Variants in MAMLD1 observed in about 807,000 individuals in gnomAD.
MAMLD1 encodes the protein mastermind like domain containing 1, also known as mastermind-like domain-containing protein 1.
In MAMLD1, 14 loss-of-function variants were observed where a neutral mutation model predicts 45.0. That is an observed-to-expected ratio of 0.31 (90% CI 0.21 to 0.49). The LOEUF (loss-of-function observed/expected upper bound fraction) is 0.49. Ranked by LOEUF, MAMLD1 falls within the 20% of genes least tolerant of loss-of-function variation. The probability of loss-of-function intolerance (pLI) is 0.99; values close to 1 mark genes in which losing one functional copy is unlikely to be tolerated. For synonymous variants in MAMLD1, 254 were observed against 247.8 expected (o/e 1.02, Z -0.24); for missense variants, 543 against 603.6 (o/e 0.90, Z 1.05).
chrX:150,458,308 G>T (rs1023862446), intron 2 of MAMLD1, among the ~76,000 whole-genome samples: 3 of 111,433 alleles, frequency 2.7e-5, no homozygotes, highest in African/African-American at 9.8e-5. Flanking sequence ...AACTAATCAG[G>T]TGTCTCTGGA....
chrX:150,446,439 T>C (rs782382139), intron 2 of MAMLD1, among the ~76,000 whole-genome samples: 1 of 111,891 alleles, frequency 8.9e-6, no homozygotes, highest in African/African-American at 3.3e-5. Flanking sequence ...CCATTTCACA[T>C]AACTAGAGGG....
chrX:150,398,252 G>GAGAAGAAGAAGAAGAAGA (rs1221742768), intron 1 of MAMLD1, among the ~76,000 whole-genome samples: 8 of 40,761 alleles, frequency 2.0e-4, no homozygotes, highest in Non-Finnish European at 2.8e-4. Context: ...GGAGGAGAAG[G>GAGAAGAAGAAGAAGAAGA]AGAAGAAGAA....
intron 1 of MAMLD1, among the ~76,000 whole-genome samples, chrX:150,436,946 G>C (rs1569564782): frequency 9.1e-6 from 1 of 110,156 alleles, no homozygotes; most frequent in Non-Finnish European, 1.9e-5. Context: ...GTGATATAAG[G>C]TGAGTTCAGT....
chrX:150,413,841 T>C (rs1321206899), intron 1 of MAMLD1, among the ~76,000 whole-genome samples: 3 of 109,156 alleles, frequency 2.7e-5, no homozygotes, highest in Non-Finnish European at 5.7e-5. Context: ...ATCTTTAATG[T>C]ACAAAGGATA....
At chrX:150,400,561 A>T (rs1364339512) in intron 1 of MAMLD1, among the ~76,000 whole-genome samples, 17 of 111,933 alleles carry the variant, frequency 1.5e-4, no homozygotes, top group Non-Finnish European at 2.4e-4. Flanking sequence ...TGCTTCCAGT[A>T]TTTGCCCATT....
chrX:150,479,929 G>A (rs1398352317), intron 5 of MAMLD1, among the ~76,000 whole-genome samples: 5 of 111,789 alleles, frequency 4.5e-5, no homozygotes, highest in Non-Finnish European at 9.4e-5. Flanking sequence ...CTGAGTGCAG[G>A]AGTGGATGGT....
At chrX:150,461,084 C>T (rs949230248) in intron 2 of MAMLD1, among the ~76,000 whole-genome samples, 2 of 113,037 alleles carry the variant, frequency 1.8e-5, no homozygotes, top group Non-Finnish European at 3.7e-5. Context: ...CCAATATGCC[C>T]TCATCAGCCA....
chrX:150,387,627 G>A (rs1351609294), intron 1 of MAMLD1, among the ~76,000 whole-genome samples: 3 of 111,988 alleles, frequency 2.7e-5, no homozygotes, highest in African/African-American at 9.7e-5. Flanking sequence ...AACCCTTCAT[G>A]TATACCAAGG....
rs376112194 is a variant in MAMLD1, at chrX:150,445,468, C to T, written c.-49C>T. The stretch of plus-strand genomic sequence containing the variant: ...GTCTCCCTAAGCCCTGTGTCTAGGT[C>T]GTTTGGGAAACGCCTTGGAGAGTCA... On this transcript the variant is annotated 5_prime_UTR_variant, in exon 2 of 8. Transcript: ENST00000370401. The T allele has an allele frequency of 2.1e-4, 204 of 978,506 alleles. No homozygotes were observed. The highest frequency in any genetic ancestry group is 2.9e-4 in the Non-Finnish European group (201 of 685,477). The allele number at this position is 978,506 out of a possible 1,213,427, so 80.6% of individuals were successfully genotyped here.
intron 2 of MAMLD1, among the ~76,000 whole-genome samples, chrX:150,448,660 G>T (rs1462297695): frequency 1.8e-5 from 2 of 112,344 alleles, no homozygotes; most frequent in Non-Finnish European, 3.8e-5. Flanking sequence ...TCCAGTCTCT[G>T]CACTTAGTGT....
At position 150,492,741 on chromosome X, in the gene MAMLD1, G is replaced by A. The variant is rs782769635; in HGVS notation, c.2041-10533G>A. ...ACAAAGGCTAAGTCCCTGCAAAACA[G>A]TGCAGATAGATGCTTTCTGTAGGTC... On this transcript the variant is annotated intron_variant, in intron 5 of 7. Coordinates refer to ENST00000370401, the MANE Select transcript of MAMLD1 (RefSeq NM_005491.5). Among the ~76,000 whole-genome samples the A allele has an allele frequency of 9.2e-4, 103 of 112,420 alleles. 1 individual carries two copies. Among genetic ancestry groups the A allele is most frequent in the Non-Finnish European group, 1.6e-3 (84 of 53,294 alleles).
At chrX:150,462,582 C>T (rs507156) in intron 2 of MAMLD1, among the ~76,000 whole-genome samples, 190 bp from the exon 3 acceptor site, 29,213 of 111,496 alleles carry the variant, frequency 0.26, 3,175 homozygotes, top group East Asian at 0.82. Context: ...GCTAGTCTCC[C>T]GCACTCCACA....
intron 1 of MAMLD1, among the ~76,000 whole-genome samples, chrX:150,398,311 GAAGAAGAAGAAGAAGAAGAAGAAGAA>G (rs1569564573): frequency 1.1e-4 from 11 of 99,563 alleles, no homozygotes; most frequent in African/African-American, 3.7e-4. Flanking sequence ...AGAAGAAGAA[GAAGAAGAAGAAGAAGAAGAAGAAGAA>G]GAAGAGGAAG....
rs782200641 is a variant in MAMLD1 at position 150,412,950 on chromosome X, C to T, written c.-63-32504C>T. 1.9e-4 allele frequency among the ~76,000 whole-genome samples: 21 copies of T among 110,782 alleles called. No homozygotes were observed. In the South Asian group the frequency reaches 8.2e-3, roughly 43 times the overall value. Reference sequence around the variant, plus strand: ...ATGTTGCCCAGGCTGGTCTTGGAACCCTTGGGCTCAAGTGATCTGCCTGCC... The same window carrying T: ...ATGTTGCCCAGGCTGGTCTTGGAACTCTTGGGCTCAAGTGATCTGCCTGCC... On this transcript the variant is annotated intron_variant, in intron 1 of 7. Coordinates refer to ENST00000370401, the MANE Select transcript of MAMLD1 (RefSeq NM_005491.5).
intron 1 of MAMLD1, among the ~76,000 whole-genome samples, chrX:150,386,699 G>C (rs1392439093): frequency 9.0e-6 from 1 of 111,395 alleles, no homozygotes; most frequent in African/African-American, 3.3e-5. Context: ...GGGCAGCCCT[G>C]ATCATGAACC....
chrX:150,391,484 C>T (rs1328203354), intron 1 of MAMLD1, among the ~76,000 whole-genome samples: 1 of 111,809 alleles, frequency 8.9e-6, no homozygotes, highest in Non-Finnish European at 1.9e-5. Flanking sequence ...CTTTACACTA[C>T]TAATTAACCC....
chrX:150,409,773 A>C (rs1158604654), intron 1 of MAMLD1, among the ~76,000 whole-genome samples: 4 of 112,310 alleles, frequency 3.6e-5, no homozygotes, highest in African/African-American at 1.3e-4. Context: ...GAAGCAAACC[A>C]AACAGTATCC....
intron 5 of MAMLD1, among the ~76,000 whole-genome samples, chrX:150,489,333 C>T (rs1002838069): frequency 1.8e-5 from 2 of 110,603 alleles, no homozygotes; most frequent in Non-Finnish European, 1.9e-5. Context: ...AGCTCTCTTC[C>T]TGATTAGTAG....
chrX:150,486,697 G>A (rs141340889), intron 5 of MAMLD1, among the ~76,000 whole-genome samples: 6 of 112,035 alleles, frequency 5.4e-5, no homozygotes, highest in African/African-American at 1.9e-4. Context: ...CCTAGGTGAT[G>A]TGTCATCCTC....
Sources: gnomAD v4.1 joint callset for allele counts (sites outside exome capture counted in the v4.1 genomes callset) on GRCh38, gnomAD v4.1.1 for gene constraint, MANE v1.5 for transcripts, NCBI Gene and HGNC (gene_info 2026-07-23, HGNC 2026-07-21) for gene names.